DTX3L: variants seen among roughly 807,000 people sequenced by gnomAD.
The protein encoded by DTX3L is E3 ubiquitin-protein ligase DTX3L.
Under a neutral mutation model 60.9 loss-of-function variants are expected in DTX3L, and 34 were observed. The observed-to-expected ratio is 0.56, with a 90% CI of 0.42 to 0.74. DTX3L has a LOEUF of 0.74. Ranked by LOEUF, DTX3L falls within the 30% of genes least tolerant of loss-of-function variation. The probability of loss-of-function intolerance (pLI) is 0.00; values close to 1 mark genes in which losing one functional copy is unlikely to be tolerated. For synonymous variants in DTX3L, 290 were observed against 316.6 expected (o/e 0.92, Z 0.89); for missense variants, 810 against 874.0 (o/e 0.93, Z 0.92).
At position 122,568,539 on chromosome 3, in the gene DTX3L, G is replaced by T; in HGVS notation, c.450G>T (p.Glu150Asp). The change falls in exon 3 of 5, where the codon GAG becomes GAT. Residue 150 changes from glutamate to aspartate, a missense_variant. Transcript: ENST00000296161. ...ADLNCNLFSKEQRAYITTLCP... is the reference protein window; with the variant it reads ...ADLNCNLFSKDQRAYITTLCP... ...TGAACTGTAACCTGTTCTCCAAAGA[G>T]CAGAGGGCATACATAACCACACTGT... is the stretch of plus-strand genomic sequence containing the variant. 6.2e-7 allele frequency: 1 copy of T among 1,613,966 alleles called. No homozygotes were observed. Among genetic ancestry groups the T allele is most frequent in the Non-Finnish European group, 8.5e-7 (1 of 1,179,976 alleles).
In DTX3L at chr3:122,573,637, A is replaced by T. The variant is rs1164635547; in HGVS notation, c.*1890A>T. The T allele has an allele frequency of 6.6e-6, 1 of 152,078 alleles. No individual in the cohort carries two copies. The highest frequency in any genetic ancestry group is 1.5e-5 in the Non-Finnish European group (1 of 68,048). The allele number at this position is 152,078 out of a possible 1,614,324, so 9.4% of individuals were successfully genotyped here. A position where few individuals can be genotyped will look rare whatever the true frequency, so the allele number is the denominator to read the frequency against. The stretch of plus-strand genomic sequence containing the variant: ...CCACGGTGCCTGACTTGAGTTTCTT[A>T]TTCTAGAACACTTGGAGCCTGAACT... On this transcript the variant is annotated 3_prime_UTR_variant, in exon 5 of 5. Coordinates refer to ENST00000296161, the MANE Select transcript of DTX3L (RefSeq NM_138287.3).
At position 122,568,338 on chromosome 3, in the gene DTX3L, TA is replaced by T. The variant is rs1576459351; in HGVS notation, c.400-148del. 1.3e-4 allele frequency: 46 copies of T among 352,682 alleles called. No individual in the cohort carries two copies. The East Asian group carries it at 2.0e-3, about 15-fold the overall frequency. 21.8% of individuals were successfully genotyped at this position (352,682 alleles called of 1,614,324 possible). ...ATAAATAAATAAATAAATAAATAAATAAATAAATAAATAGGATTTGAAAGAA... is the reference window on the plus strand; with the variant it reads ...ATAAATAAATAAATAAATAAATAAATAATAAATAAATAGGATTTGAAAGAA... On this transcript the variant is annotated intron_variant, in intron 2 of 4. Coordinates refer to ENST00000296161, the MANE Select transcript of DTX3L (RefSeq NM_138287.3).
rs1324788801 is a variant in DTX3L, at chr3:122,574,944, A to G, written c.*3197A>G. ...TGTTTTTAAAAAAAAATCAGATTATAAATTTAGTTTTTGGTGATTCATTAA... is the reference window on the plus strand; with the variant it reads ...TGTTTTTAAAAAAAAATCAGATTATGAATTTAGTTTTTGGTGATTCATTAA... On this transcript the variant is annotated 3_prime_UTR_variant, in exon 5 of 5. Transcript: ENST00000296161. 6.6e-6 allele frequency: 1 copy of G among 152,242 alleles called. No individual in the cohort carries two copies. The highest frequency in any genetic ancestry group is 2.4e-5 in the African/African-American group (1 of 41,466). The allele number at this position is 152,242 out of a possible 1,614,324, so 9.4% of individuals were successfully genotyped here. A position where few individuals can be genotyped will look rare whatever the true frequency, so the allele number is the denominator to read the frequency against.
intron 1 of DTX3L, 104 bp from the exon 2 acceptor site, chr3:122,565,755 T>C: frequency 9.0e-7 from 1 of 1,115,388 alleles, no homozygotes; most frequent in Non-Finnish European, 1.3e-6. Context: ...GCAGCCTTAC[T>C]GGGAGGTGCT....
Position 122,569,884 on chromosome 3 carries a change from T to C in DTX3L, c.1795T>C (p.Cys599Arg). 1 of 1,614,184 alleles carries C rather than the reference T, an allele frequency of 6.2e-7. No homozygotes were observed. Among genetic ancestry groups the C allele is most frequent in the South Asian group, 1.1e-5 (1 of 91,086 alleles). ...AMSYKPICPT[C>R]QTSYGIQKGN... ...GTCATATAAGCCAATCTGTCCCACA[T>C]GCCAGACTTCCTATGGTATTCAGAA... is the stretch of plus-strand genomic sequence containing the variant. Residue 599 changes from cysteine (C) to arginine (R), a missense_variant, in exon 3 of 5, where the codon TGC (cysteine) becomes CGC (arginine). By Grantham distance (180) the Cys-to-Arg change is radical (BLOSUM62 -3). Coordinates refer to ENST00000296161, the MANE Select transcript of DTX3L (RefSeq NM_138287.3).
intron 3 of DTX3L, 124 bp downstream of exon 3, chr3:122,570,148 A>G (rs1226614149): frequency 1.9e-6 from 2 of 1,049,128 alleles, no homozygotes; most frequent in Non-Finnish European, 2.9e-6. Context: ...GTCATGTGCA[A>G]GGGACTGAAA....
At position 122,569,525 on chromosome 3, in the gene DTX3L, C is replaced by G; in HGVS notation, c.1436C>G (p.Pro479Arg). The G allele has an allele frequency of 6.2e-7, 1 of 1,614,146 alleles. No homozygotes were observed. Among genetic ancestry groups the G allele is most frequent in the East Asian group, 2.2e-5 (1 of 44,876 alleles). Residue 479 changes from proline (P) to arginine (R), a missense_variant, in exon 3 of 5, where the codon CCA (proline) becomes CGA (arginine). Coordinates refer to ENST00000296161, the MANE Select transcript of DTX3L (RefSeq NM_138287.3). ...GCTGATGACTTTAGAAAAAGACATCCAAATGTACACTTTGTGCTAAATCAA... is the reference window on the plus strand; with the variant it reads ...GCTGATGACTTTAGAAAAAGACATCGAAATGTACACTTTGTGCTAAATCAA... ...KFADDFRKRHPNVHFVLNQES... is the reference protein window; with the variant it reads ...KFADDFRKRHRNVHFVLNQES...
Position 122,572,801 on chromosome 3 carries a change from A to T in DTX3L, c.*1054A>T, listed in dbSNP as rs2080654637. On this transcript the variant is annotated 3_prime_UTR_variant, in exon 5 of 5. Coordinates refer to ENST00000296161, the MANE Select transcript of DTX3L (RefSeq NM_138287.3). ...GCCATGTTGGCCAGGCTGGTTTCAAACTCCTGAGCTCAAATGATCCTCCTG... is the reference window on the plus strand; with the variant it reads ...GCCATGTTGGCCAGGCTGGTTTCAATCTCCTGAGCTCAAATGATCCTCCTG... The T allele has an allele frequency of 6.6e-6, 1 of 151,842 alleles. No individual in the cohort carries two copies. Among genetic ancestry groups the T allele is most frequent in the Non-Finnish European group, 1.5e-5 (1 of 67,992 alleles). The allele number at this position is 151,842 out of a possible 1,614,324, so 9.4% of individuals were successfully genotyped here.
chr3:122,570,206 G>A (rs1280493012), intron 3 of DTX3L, 182 bp downstream of exon 3: 6 of 773,446 alleles, frequency 7.8e-6, no homozygotes, highest in Non-Finnish European at 1.2e-5. Context: ...TACCTTTTGT[G>A]TCTATTTCTT....
In DTX3L at chr3:122,568,601, T is replaced by G. The variant is rs2080621116; in HGVS notation, c.512T>G (p.Ile171Ser). The change falls in exon 3 of 5, where the codon ATT (isoleucine) becomes AGT (serine). Residue 171 changes from isoleucine to serine, a missense_variant. Transcript: ENST00000296161. ...SIRKMEGHDG[I>S]EKVCGDFQDI... ...AGAAAAATGGAAGGTCACGATGGAA[T>G]TGAGAAGGTGTGTGGTGACTTCCAA... 2 of 1,614,014 alleles carry G rather than the reference T, an allele frequency of 1.2e-6. No homozygotes were observed. Among genetic ancestry groups the G allele is most frequent in the South Asian group, 2.2e-5 (2 of 91,088 alleles).
Position 122,569,812 on chromosome 3 carries a change from C to T in DTX3L, c.1723C>T (p.Pro575Ser), listed in dbSNP as rs1576460123. ...CACCATTAGTAACAAAAAAGTGCTA[C>T]CAAAGTGCAAGCATGAATTCTGCGC... ...MDTISNKKVL[P>S]KCKHEFCAPC... Residue 575 changes from proline (P) to serine (S), a missense_variant, in exon 3 of 5, where the codon CCA becomes TCA. Coordinates refer to ENST00000296161, the MANE Select transcript of DTX3L (RefSeq NM_138287.3). 6.2e-7 allele frequency: 1 copy of T among 1,614,130 alleles called. No homozygotes were observed. Among genetic ancestry groups the T allele is most frequent in the Non-Finnish European group, 8.5e-7 (1 of 1,180,038 alleles).
At chr3:122,570,709 A>G in intron 4 of DTX3L, 37 bp downstream of exon 4, 1 of 1,604,084 alleles carries the variant, frequency 6.2e-7, no homozygotes, top group Non-Finnish European at 8.5e-7. Context: ...TGCTCAACAG[A>G]GTATAGGGAT....
Position 122,568,948 on chromosome 3 carries a change from C to T in DTX3L, c.859C>T (p.Leu287=), listed in dbSNP as rs1162916518. Residue 287 remains leucine (L), a synonymous_variant, in exon 3 of 5, where the codon CTG becomes TTG. Coordinates refer to ENST00000296161, the MANE Select transcript of DTX3L (RefSeq NM_138287.3). ...TTTCACCTCAAGTCGATCAGGTGACCTGGAAGCAGCTCGTGAGTCTTTTGC... is the reference window on the plus strand; with the variant it reads ...TTTCACCTCAAGTCGATCAGGTGACTTGGAAGCAGCTCGTGAGTCTTTTGC... ...LDFTSSRSGD[L]EAARESFASE... 1 of 1,614,056 alleles carries T rather than the reference C, an allele frequency of 6.2e-7. No individual in the cohort carries two copies. The highest frequency in any genetic ancestry group is 8.5e-7 in the Non-Finnish European group (1 of 1,180,036).
rs772325494 is a variant in DTX3L at position 122,564,607 on chromosome 3, A to T, written c.181A>T (p.Arg61Trp). Residue 61 changes from arginine to tryptophan, a missense_variant, in exon 1 of 5, where the codon AGG becomes TGG. By Grantham distance (101) the Arg-to-Trp change is moderately radical. Coordinates refer to ENST00000296161, the MANE Select transcript of DTX3L (RefSeq NM_138287.3). Reference sequence around the variant, plus strand: ...CACCTTCCGGGTGGAGTTCAGTGAAAGGGCAGGTGAGCTTCGGGCGGCCAG... The same window carrying T: ...CACCTTCCGGGTGGAGTTCAGTGAATGGGCAGGTGAGCTTCGGGCGGCCAG... ...PGTFRVEFSE[R>W]AAKERVLKKG... 59 of 1,589,528 alleles carry T rather than the reference A, an allele frequency of 3.7e-5. No homozygotes were observed. Among genetic ancestry groups the T allele is most frequent in the Non-Finnish European group, 5.0e-5 (58 of 1,169,672 alleles).
chr3:122,564,592 G>T lies in DTX3L; in HGVS notation c.166G>T (p.Val56Leu), dbSNP rs779031509. 1.5e-5 allele frequency: 24 copies of T among 1,599,186 alleles called. No individual in the cohort carries two copies. In the African/African-American group the frequency reaches 3.3e-4, roughly 22 times the overall value. ...QEHEAPGTFR[V>L]EFSERAAKER... ...ACACGAAGCCCCGGGCACCTTCCGG[G>T]TGGAGTTCAGTGAAAGGGCAGGTGA... is the stretch of plus-strand genomic sequence containing the variant. The change falls in exon 1 of 5, where the codon GTG (valine) becomes TTG (leucine). Residue 56 changes from valine (V) to leucine (L), a missense_variant. Val to Leu is a conservative substitution (Grantham distance 32, BLOSUM62 1). Transcript: ENST00000296161.
Position 122,569,927 on chromosome 3 carries a change from G to A in DTX3L, c.1838G>A (p.Gly613Glu), listed in dbSNP as rs71329280. The A allele has an allele frequency of 1.2e-6, 2 of 1,614,132 alleles. No individual in the cohort carries two copies. Among genetic ancestry groups the A allele is most frequent in the East Asian group, 4.5e-5 (2 of 44,892 alleles). The stretch of plus-strand genomic sequence containing the variant: ...ATTCAGAAAGGAAATCAGCCAGAGG[G>A]AAGCATGGTTTTCACTGTTTCAAGA... The part of the protein sequence containing the change: ...YGIQKGNQPE[G>E]SMVFTVSRDS... Residue 613 changes from glycine (G) to glutamate (E), a missense_variant, in exon 3 of 5, where the codon GGA (glycine) becomes GAA (glutamate). Transcript: ENST00000296161.
Position 122,564,443 on chromosome 3 carries a change from G to C in DTX3L, c.17G>C (p.Arg6Pro), listed in dbSNP as rs1212568350. The change falls in exon 1 of 5, where the codon CGC (arginine) becomes CCC (proline). Residue 6 changes from arginine (R) to proline (P), a missense_variant. By Grantham distance (103) the Arg-to-Pro change is moderately radical. Transcript: ENST00000296161. ...CGCAGAGCCATGGCCTCCCACCTGC[G>C]CCCGCCGTCCCCGCTCCTCGTGCGG... is the stretch of plus-strand genomic sequence containing the variant. The part of the protein sequence containing the change: MASHL[R>P]PPSPLLVRVY... The C allele has an allele frequency of 6.2e-7, 1 of 1,610,446 alleles. No homozygotes were observed. Among genetic ancestry groups the C allele is most frequent in the African/African-American group, 1.3e-5 (1 of 74,656 alleles).
intron 1 of DTX3L, 62 bp downstream of exon 1, chr3:122,564,675 C>A (rs575899025): frequency 1.3e-6 from 2 of 1,540,042 alleles, no homozygotes; most frequent in South Asian, 1.2e-5. Context: ...GGTTTCCAGG[C>A]GGACCCAGTT....
At position 122,569,550 on chromosome 3, in the gene DTX3L, A is replaced by G. The variant is rs374109448; in HGVS notation, c.1461A>G (p.Gln487=). Residue 487 remains glutamine (Q), a synonymous_variant, in exon 3 of 5, where the codon CAA becomes CAG. Transcript: ENST00000296161. Reference sequence around the variant, plus strand: ...CAAATGTACACTTTGTGCTAAATCAAGAGTCAATGACTTTGACTGGTTTGC... The same window carrying G: ...CAAATGTACACTTTGTGCTAAATCAGGAGTCAATGACTTTGACTGGTTTGC... ...RHPNVHFVLN[Q]ESMTLTGLPN... 1.4e-4 allele frequency: 223 copies of G among 1,614,130 alleles called. 1 individual carries two copies. Among genetic ancestry groups the G allele is most frequent in the Non-Finnish European group, 1.8e-4 (210 of 1,180,046 alleles).
Sources: allele counts gnomAD v4.1 joint callset, GRCh38; gene constraint gnomAD v4.1.1; transcripts MANE v1.5; gene names NCBI Gene and HGNC (gene_info 2026-07-23, HGNC 2026-07-21).